Variants in BOC observed in about 807,000 individuals in gnomAD.
BOC encodes brother of CDO.
A neutral mutation model predicts 112.0 loss-of-function variants in BOC; 76 were observed. That is an observed-to-expected ratio of 0.68 (90% CI 0.56 to 0.82). BOC has a LOEUF of 0.82. Ranked by LOEUF, BOC falls within the 40% of genes least tolerant of loss-of-function variation. The pLI is 0.00. For missense variants in BOC, 1,309 were observed against 1,511.7 expected, an observed-to-expected ratio of 0.87 and a Z score of 2.22; for synonymous variants, 580 against 599.8, an observed-to-expected ratio of 0.97 and a Z score of 0.48.
intron 16 of BOC, 31 bp downstream of exon 16, chr3:113,283,663 C>G (rs753725481): frequency 2.5e-6 from 4 of 1,596,988 alleles, no homozygotes; most frequent in Non-Finnish European, 3.4e-6. Flanking sequence ...GTGGGAGGAT[C>G]CTGGGTGGGA....
chr3:113,241,220 G>A (rs189678082), intron 2 of BOC, among the ~76,000 whole-genome samples: 48 of 152,296 alleles, frequency 3.2e-4, no homozygotes, highest in African/African-American at 1.1e-3. Flanking sequence ...GGATTCAAGG[G>A]ACAGAGTCAG....
chr3:113,282,031 G>T (rs1314676794), intron 15 of BOC, among the ~76,000 whole-genome samples: 1 of 152,214 alleles, frequency 6.6e-6, no homozygotes, highest in Non-Finnish European at 1.5e-5. Flanking sequence ...GAAGGACCGA[G>T]TCTTAGGCTA....
rs1159803035 is a variant in BOC at position 113,250,780 on chromosome 3, C to A, written c.323C>A (p.Ala108Asp). 5 of 1,613,996 alleles carry A rather than the reference C, an allele frequency of 3.1e-6. No individual in the cohort carries two copies. In the Admixed American group the frequency reaches 5.0e-5, roughly 16 times the overall value. ...ACTGTGGGACGGTACCAGTGTGTGGCCCGGATGCCTGCGGGGGCTGTGGCC... is the reference window on the plus strand; with the variant it reads ...ACTGTGGGACGGTACCAGTGTGTGGACCGGATGCCTGCGGGGGCTGTGGCC... ...NHTVGRYQCV[A>D]RMPAGAVASV... The change falls in exon 4 of 20, where the codon GCC becomes GAC. Residue 108 changes from alanine to aspartate, a missense_variant. Coordinates refer to ENST00000682979, the MANE Select transcript of BOC (RefSeq NM_001378074.1).
chr3:113,227,376 A>G (rs1941836964), intron 2 of BOC, among the ~76,000 whole-genome samples: 1 of 152,210 alleles, frequency 6.6e-6, no homozygotes, highest in African/African-American at 2.4e-5. Context: ...TTGGTGAGAT[A>G]TGCACAGTCC....
In BOC at chr3:113,246,052, G is replaced by A. The variant is rs1478244329; in HGVS notation, c.-81-3670G>A. Among the ~76,000 whole-genome samples the A allele has an allele frequency of 2.0e-5, 3 of 152,332 alleles. No individual in the cohort carries two copies. In the East Asian group the frequency reaches 5.8e-4, roughly 29 times the overall value. On this transcript the variant is annotated intron_variant, in intron 2 of 19. Coordinates refer to ENST00000682979, the MANE Select transcript of BOC (RefSeq NM_001378074.1). ...TTTTCTCAAAAAATAAATACTCTGA[G>A]GCTACAGTTTCTCAGGATTGGTCTT...
At chr3:113,252,049 T>C (rs554699847) in intron 4 of BOC, 1 of 152,310 alleles carries the variant, frequency 6.6e-6, no homozygotes, top group Non-Finnish European at 1.5e-5. Context: ...GCGCAACACA[T>C]ACACTATCTG....
At chr3:113,235,989 C>T (rs1041157417) in intron 2 of BOC, among the ~76,000 whole-genome samples, 5 of 151,444 alleles carry the variant, frequency 3.3e-5, no homozygotes, top group African/African-American at 7.3e-5. Flanking sequence ...ACAACCCCTA[C>T]GGAAAACAGT....
chr3:113,231,629 A>G (rs999543296), intron 2 of BOC, among the ~76,000 whole-genome samples: 2 of 152,236 alleles, frequency 1.3e-5, no homozygotes, highest in Non-Finnish European at 2.9e-5. Flanking sequence ...ATGATGCATA[A>G]TAGCATACTA....
intron 19 of BOC, 114 bp from the exon 20 acceptor site, chr3:113,286,561 T>C: frequency 1.0e-6 from 1 of 1,000,614 alleles, no homozygotes; most frequent in Non-Finnish European, 1.4e-6. Flanking sequence ...TTCTGTCCCC[T>C]TTCCAGAGCC....
intron 5 of BOC, 136 bp from the exon 6 acceptor site, chr3:113,270,665 G>A (rs1948009511): frequency 2.1e-6 from 2 of 956,846 alleles, no homozygotes; most frequent in South Asian, 1.7e-5. Flanking sequence ...TTGTCTTGTG[G>A]GGACTCAGGT....
At chr3:113,237,958 T>C (rs923139688) in intron 2 of BOC, among the ~76,000 whole-genome samples, 11 of 152,214 alleles carry the variant, frequency 7.2e-5, no homozygotes, top group Non-Finnish European at 1.3e-4. Context: ...ATCCTTGCCT[T>C]CAATGAGTTT....
In BOC at chr3:113,283,560, G is replaced by A. The variant is rs148702312; in HGVS notation, c.2584G>A (p.Val862Ile). 138 of 1,613,796 alleles carry A rather than the reference G, an allele frequency of 8.6e-5. No individual in the cohort carries two copies. In the African/African-American group the frequency reaches 9.2e-4, roughly 11 times the overall value. Residue 862 changes from valine to isoleucine, a missense_variant, in exon 16 of 20, where the codon GTC becomes ATC. Coordinates refer to ENST00000682979, the MANE Select transcript of BOC (RefSeq NM_001378074.1). ...SDLPYLIVGV[V>I]LGSIVLIIVT... is the part of the protein sequence containing the mutation. ...CCTGCCCTATCTGATTGTCGGGGTC[G>A]TCCTGGGCTCCATCGTTCTCATCAT... is the stretch of plus-strand genomic sequence containing the variant.
At position 113,274,478 on chromosome 3, in the gene BOC, G is replaced by C. The variant is rs773224548; in HGVS notation, c.1338G>C (p.Pro446=). The change falls in exon 9 of 20, where the codon CCG becomes CCC. Residue 446 remains proline (P), a synonymous_variant. Coordinates refer to ENST00000682979, the MANE Select transcript of BOC (RefSeq NM_001378074.1). The surrounding 1 kb of genome is among the most constrained non-coding windows in gnomAD (Gnocchi z 4.8). ...CTGAGCAGATGCTGAGGGGGCAACC[G>C]GCGCTCCCCAGACCCCCAACGTCAG... is the stretch of plus-strand genomic sequence containing the variant. The part of the protein sequence containing the change: ...GNPEQMLRGQ[P]ALPRPPTSVG... The C allele has an allele frequency of 2.5e-6, 4 of 1,611,466 alleles. No homozygotes were observed. The South Asian group carries it at 4.4e-5, about 18-fold the overall frequency.
At chr3:113,233,798 A>G (rs1014903022) in intron 2 of BOC, among the ~76,000 whole-genome samples, 3 of 151,804 alleles carry the variant, frequency 2.0e-5, no homozygotes, top group Admixed American at 2.0e-4. Flanking sequence ...TCTTCTCCAC[A>G]TTCAGCCCAC....
chr3:113,229,374 C>T (rs992737641), intron 2 of BOC, among the ~76,000 whole-genome samples: 10 of 152,174 alleles, frequency 6.6e-5, no homozygotes, highest in Non-Finnish European at 1.3e-4. Flanking sequence ...GATGTCCAAA[C>T]GCTTAAATTT....
At chr3:113,223,466 C>T (rs930519994) in intron 2 of BOC, among the ~76,000 whole-genome samples, 6 of 152,218 alleles carry the variant, frequency 3.9e-5, no homozygotes, top group African/African-American at 7.2e-5. Context: ...AAGTAAAGTC[C>T]GTAGTTTACA....
intron 2 of BOC, among the ~76,000 whole-genome samples, chr3:113,236,223 C>T (rs77742810): frequency 0.11 from 5,664 of 53,862 alleles, 248 homozygotes; most frequent in Non-Finnish European, 0.13. Flanking sequence ...CGTGTATATA[C>T]GTATATGTGT....
intron 2 of BOC, among the ~76,000 whole-genome samples, chr3:113,219,365 G>A (rs1378918839): frequency 6.6e-6 from 1 of 152,256 alleles, no homozygotes; most frequent in Non-Finnish European, 1.5e-5. Flanking sequence ...AGCACCTACT[G>A]TGTGCCAGGC....
chr3:113,247,765 C>G (rs1945116067), intron 2 of BOC, among the ~76,000 whole-genome samples: 1 of 152,206 alleles, frequency 6.6e-6, no homozygotes, highest in South Asian at 2.1e-4. Context: ...TCCACCACCA[C>G]AGCCCCTCCC....
Sources: allele counts gnomAD v4.1 joint callset (sites outside exome capture counted in the v4.1 genomes callset), GRCh38; gene constraint gnomAD v4.1.1; non-coding constraint Gnocchi (gnomAD v3.1); transcripts MANE v1.5; gene names NCBI Gene and HGNC (gene_info 2026-07-23, HGNC 2026-07-21).